Variants in ANKRD30B observed in about 807,000 individuals in gnomAD.
ANKRD30B encodes ankyrin repeat domain-containing protein 30B.
ANKRD30B carries 144 observed loss-of-function variants against 202.2 expected under a neutral mutation model. The ratio of observed to expected loss-of-function variants is 0.71; its 90% CI spans 0.62 to 0.82. The LOEUF is 0.82. Ranked by LOEUF, ANKRD30B falls within the 40% of genes least tolerant of loss-of-function variation. The pLI is 0.00. For synonymous variants in ANKRD30B, 508 were observed against 561.3 expected (o/e 0.91, Z 1.34); for missense variants, 1,487 against 1,669.1 (o/e 0.89, Z 1.90).
chr18:14,823,495 T>C (rs1970536660), intron 32 of ANKRD30B, among the ~76,000 whole-genome samples: 2 of 151,994 alleles, frequency 1.3e-5, no homozygotes, highest in South Asian at 2.1e-4. Flanking sequence ...ATTGTGTGTG[T>C]GTGCGTGTGT....
At chr18:14,805,843 A>G (rs1447439832) in intron 24 of ANKRD30B, among the ~76,000 whole-genome samples, 2 of 149,758 alleles carry the variant, frequency 1.3e-5, no homozygotes, top group Non-Finnish European at 3.0e-5. Context: ...TGCAAAAATC[A>G]TATATAAATG....
the ANKRD30B span, among the ~76,000 whole-genome samples, chr18:14,901,714 A>G: frequency 6.6e-6 from 1 of 152,222 alleles, no homozygotes; most frequent in Non-Finnish European, 1.5e-5. Context: ...ATGTCAATAT[A>G]TTATTAGCAT....
chr18:14,821,985 G>A (rs1302048986), intron 30 of ANKRD30B, among the ~76,000 whole-genome samples: 4 of 151,938 alleles, frequency 2.6e-5, no homozygotes, highest in African/African-American at 9.7e-5. Flanking sequence ...ATTCTCATCG[G>A]AGCTTTGCAA....
At position 14,752,566 on chromosome 18, in the gene ANKRD30B, G is replaced by A. The variant is rs1183028530; in HGVS notation, c.222G>A (p.Arg74=). Residue 74 remains arginine (R), a splice_region_variant and synonymous_variant, in exon 2 of 44, where the codon AGG becomes AGA. Transcript: ENST00000690538. ...VNLNKRDMKK[R]TALHWACVNG... is the part of the protein sequence containing the mutation. ...CCTAAAAGTCCTCTCACTCTCGTAG[G>A]ACTGCTCTACACTGGGCCTGTGTCA... 4.3e-6 allele frequency: 7 copies of A among 1,609,862 alleles called. No homozygotes were observed. Among genetic ancestry groups the A allele is most frequent in the East Asian group, 2.2e-5 (1 of 44,820 alleles).
intron 34 of ANKRD30B, among the ~76,000 whole-genome samples, chr18:14,836,456 T>C (rs575061117): frequency 6.6e-6 from 1 of 152,138 alleles, no homozygotes; most frequent in South Asian, 2.1e-4. Flanking sequence ...ATTTTGTATT[T>C]TCTGCCTTCT....
intron 15 of ANKRD30B, 66 bp downstream of exon 15, chr18:14,787,166 C>T: frequency 7.0e-7 from 1 of 1,421,962 alleles, no homozygotes; most frequent in Non-Finnish European, 9.7e-7. Flanking sequence ...AAATCAGATG[C>T]TTAGACTTTA....
intron 32 of ANKRD30B, among the ~76,000 whole-genome samples, chr18:14,825,481 T>A (rs1228358052): frequency 6.6e-6 from 1 of 151,906 alleles, no homozygotes; most frequent in Admixed American, 6.6e-5. Context: ...ATGATCAAAC[T>A]TTTGTCTTAG....
At chr18:14,863,364 C>T in the ANKRD30B span, among the ~76,000 whole-genome samples, 1 of 152,064 alleles carries the variant, frequency 6.6e-6, no homozygotes, top group Admixed American at 6.6e-5. Flanking sequence ...CACATGAGAG[C>T]TGGTTGTTTA....
the ANKRD30B span, chr18:14,915,699 A>G: frequency 3.9e-5 from 6 of 152,214 alleles, no homozygotes; most frequent in South Asian, 4.1e-4. Flanking sequence ...ACTTTTGTGC[A>G]GATTGATTAC....
chr18:14,819,906 A>G (rs911136564), intron 30 of ANKRD30B, among the ~76,000 whole-genome samples: 1 of 152,058 alleles, frequency 6.6e-6, no homozygotes, highest in Admixed American at 6.6e-5. Context: ...GAAGAAAGTC[A>G]TTGGTAGCTT....
At chr18:14,841,408 G>C (rs1280889551) in intron 37 of ANKRD30B, among the ~76,000 whole-genome samples, 3 of 152,310 alleles carry the variant, frequency 2.0e-5, no homozygotes, top group Admixed American at 2.0e-4. Context: ...AGTAGCAAGG[G>C]AACAGCCTTT....
chr18:14,877,895 C>G, the ANKRD30B span: 364 of 152,330 alleles, frequency 2.4e-3, 4 homozygotes, highest in African/African-American at 8.4e-3. Context: ...CTGATCTGTT[C>G]GTGACCCTGT....
intron 24 of ANKRD30B, among the ~76,000 whole-genome samples, chr18:14,807,450 A>G (rs1213929789): frequency 6.7e-6 from 1 of 149,696 alleles, no homozygotes; most frequent in Non-Finnish European, 1.5e-5. Flanking sequence ...AATAACCATT[A>G]TTCTAACATT....
the ANKRD30B span, among the ~76,000 whole-genome samples, chr18:14,907,990 A>G: frequency 4.6e-5 from 7 of 152,300 alleles, no homozygotes; most frequent in African/African-American, 1.7e-4. Context: ...AAATTTTATC[A>G]TATGCATATA....
chr18:14,940,432 C>G, the ANKRD30B span, among the ~76,000 whole-genome samples: 2 of 152,176 alleles, frequency 1.3e-5, no homozygotes, highest in Non-Finnish European at 2.9e-5. Context: ...GGGGTCTATC[C>G]ACCACATGTG....
the ANKRD30B span, among the ~76,000 whole-genome samples, chr18:14,901,340 A>C: frequency 6.6e-6 from 1 of 152,204 alleles, no homozygotes; most frequent in African/African-American, 2.4e-5. Context: ...GGTTTTTGAT[A>C]ATTTTGGAGA....
At chr18:14,938,374 C>T in the ANKRD30B span, among the ~76,000 whole-genome samples, 3 of 152,246 alleles carry the variant, frequency 2.0e-5, no homozygotes, top group African/African-American at 2.4e-5. Flanking sequence ...AATGCTCCCA[C>T]GCTTGCCGCC....
chr18:14,879,563 G>A, the ANKRD30B span, among the ~76,000 whole-genome samples: 2 of 152,242 alleles, frequency 1.3e-5, no homozygotes, highest in East Asian at 3.9e-4. Flanking sequence ...TTGGTGTTAG[G>A]GTTAGGGGTT....
At chr18:14,929,213 C>T in the ANKRD30B span, among the ~76,000 whole-genome samples, 2 of 152,188 alleles carry the variant, frequency 1.3e-5, no homozygotes, top group Non-Finnish European at 2.9e-5. Flanking sequence ...ACGACCTTTT[C>T]TTTCTCTTGC....
Sources: allele counts gnomAD v4.1 joint callset (sites outside exome capture counted in the v4.1 genomes callset), GRCh38; gene constraint gnomAD v4.1.1; transcripts MANE v1.5; gene names NCBI Gene and HGNC (gene_info 2026-07-23, HGNC 2026-07-21).